Variants in LRRTM4 observed in about 807,000 individuals in gnomAD.
LRRTM4 encodes leucine-rich repeat transmembrane neuronal protein 4.
In LRRTM4, 25 loss-of-function variants were observed where a neutral mutation model predicts 47.6. The ratio of observed to expected loss-of-function variants is 0.53; its 90% confidence interval spans 0.38 to 0.73. The LOEUF is 0.73. Among genes scored for constraint, LRRTM4 ranks in the 30% least tolerant of loss-of-function variants. The pLI, the probability that LRRTM4 is intolerant of heterozygous loss-of-function variation, is 0.00. For synonymous variants in LRRTM4, 311 were observed against 269.5 expected (o/e 1.15, Z -1.51); for missense variants, 638 against 713.4 (o/e 0.89, Z 1.20).
chr2:76,914,432 T>G (rs1022994051), intron 3 of LRRTM4, among the ~76,000 whole-genome samples: 3 of 152,170 alleles, frequency 2.0e-5, no homozygotes, highest in Non-Finnish European at 2.9e-5. Context: ...TGATTTTCAC[T>G]TCCTGATCTG....
chr2:76,763,959 G>A (rs1673358044), intron 3 of LRRTM4, among the ~76,000 whole-genome samples: 1 of 152,146 alleles, frequency 6.6e-6, no homozygotes, highest in Non-Finnish European at 1.5e-5. Flanking sequence ...GATGATAAAG[G>A]TCATTCTGGT....
At chr2:77,056,817 C>A (rs1157751340) in intron 3 of LRRTM4, among the ~76,000 whole-genome samples, 1 of 152,168 alleles carries the variant, frequency 6.6e-6, no homozygotes, top group Non-Finnish European at 1.5e-5. Context: ...TGCTTATTCT[C>A]TAATTTCCCT....
In LRRTM4 at chr2:77,267,700, A is replaced by ATTTT. The variant is rs11389853; in HGVS notation, c.1551+250614_1551+250617dup. On this transcript the variant is annotated intron_variant, in intron 3 of 3. Coordinates refer to ENST00000409884, the MANE Select transcript of LRRTM4 (RefSeq NM_001134745.3). The stretch of plus-strand genomic sequence containing the variant: ...CTATTTCAAACTGTTCTTCCAGAAT[A>ATTTT]TTTTTTTTTGATAATGCTCCTTTCA... Among the ~76,000 whole-genome samples, 18 of 151,246 alleles carry ATTTT rather than the reference A, an allele frequency of 1.2e-4. No homozygotes were observed. The South Asian group carries it at 3.1e-3, about 26-fold the overall frequency.
chr2:77,239,330 T>G (rs1023347864), intron 3 of LRRTM4, among the ~76,000 whole-genome samples: 24 of 151,894 alleles, frequency 1.6e-4, no homozygotes, highest in Admixed American at 1.5e-3. Flanking sequence ...AATGAAATAA[T>G]AGAAATATAC....
At chr2:77,469,300 G>A (rs76775076) in intron 3 of LRRTM4, among the ~76,000 whole-genome samples, 2,578 of 152,262 alleles carry the variant, frequency 0.017, 89 homozygotes, top group East Asian at 0.12. Flanking sequence ...ACACAGAAGC[G>A]TCTTTATTTC....
At chr2:76,927,209 C>G (rs1674615774) in intron 3 of LRRTM4, among the ~76,000 whole-genome samples, 1 of 152,086 alleles carries the variant, frequency 6.6e-6, no homozygotes, top group Admixed American at 6.6e-5. Flanking sequence ...ATAGTACCAT[C>G]TTAGGAGTTA....
chr2:77,332,738 G>A (rs1455187712), intron 3 of LRRTM4, among the ~76,000 whole-genome samples: 4 of 152,102 alleles, frequency 2.6e-5, no homozygotes, highest in Non-Finnish European at 1.5e-5. Context: ...CATGCATAAT[G>A]TAATAGTCAC....
intron 3 of LRRTM4, among the ~76,000 whole-genome samples, chr2:77,458,847 G>A (rs941970546): frequency 1.7e-4 from 25 of 151,362 alleles, no homozygotes; most frequent in Middle Eastern, 3.4e-3. Context: ...ATTCAAAAAT[G>A]AGGCAGAAAT....
At chr2:77,185,627 A>G (rs1673481280) in intron 3 of LRRTM4, among the ~76,000 whole-genome samples, 1 of 152,186 alleles carries the variant, frequency 6.6e-6, no homozygotes. Context: ...AAGTCAAACT[A>G]AAGTATAAAC....
intron 3 of LRRTM4, among the ~76,000 whole-genome samples, chr2:77,032,722 G>T (rs188684752): frequency 5.9e-5 from 9 of 152,156 alleles, no homozygotes; most frequent in Admixed American, 4.6e-4. Context: ...ACTGCATTAG[G>T]ATCTTCTTTA....
intron 3 of LRRTM4, among the ~76,000 whole-genome samples, chr2:76,772,036 C>A (rs559208077): frequency 6.6e-6 from 1 of 152,086 alleles, no homozygotes; most frequent in African/African-American, 2.4e-5. Flanking sequence ...TGTTATGGAC[C>A]GAATGTTGTA....
intron 3 of LRRTM4, among the ~76,000 whole-genome samples, chr2:76,916,070 C>T (rs1674232766): frequency 1.3e-5 from 2 of 151,436 alleles, no homozygotes; most frequent in Admixed American, 1.3e-4. Flanking sequence ...AATGATGAGA[C>T]AGAAGAACAA....
intron 3 of LRRTM4, among the ~76,000 whole-genome samples, chr2:77,160,039 C>A (rs550819937): frequency 6.6e-6 from 1 of 152,288 alleles, no homozygotes; most frequent in African/African-American, 2.4e-5. Context: ...ATTAATCACT[C>A]TGGTGTGGTG....
chr2:77,483,768 A>G (rs1677806621), intron 3 of LRRTM4, among the ~76,000 whole-genome samples: 1 of 152,120 alleles, frequency 6.6e-6, no homozygotes. Context: ...GGGGATTGGT[A>G]TTAAAAAACC....
chr2:77,477,443 A>G (rs937925908), intron 3 of LRRTM4, among the ~76,000 whole-genome samples: 1 of 152,180 alleles, frequency 6.6e-6, no homozygotes, highest in Non-Finnish European at 1.5e-5. Flanking sequence ...ACACAAATAG[A>G]TAAATTATGT....
At chr2:77,102,668 A>G (rs1333287944) in intron 3 of LRRTM4, among the ~76,000 whole-genome samples, 1 of 152,200 alleles carries the variant, frequency 6.6e-6, no homozygotes, top group African/African-American at 2.4e-5. Flanking sequence ...TAAGTGCAGG[A>G]AAAAGACTGA....
At chr2:77,096,723 C>T (rs1437704080) in intron 3 of LRRTM4, among the ~76,000 whole-genome samples, 1 of 151,464 alleles carries the variant, frequency 6.6e-6, no homozygotes, top group Non-Finnish European at 1.5e-5. Flanking sequence ...AAGTACTACA[C>T]ATTGACAACA....
intron 3 of LRRTM4, among the ~76,000 whole-genome samples, chr2:77,466,235 G>A (rs1260764429): frequency 1.3e-5 from 2 of 152,132 alleles, no homozygotes; most frequent in African/African-American, 2.4e-5. Flanking sequence ...ATTGAATGGA[G>A]GTGAAAAGAA....
intron 3 of LRRTM4, among the ~76,000 whole-genome samples, chr2:77,014,828 A>C (rs1678002095): frequency 6.6e-6 from 1 of 152,030 alleles, no homozygotes; most frequent in Non-Finnish European, 1.5e-5. Context: ...AAAAAATTAT[A>C]AATATTACTT....
Sources: gnomAD v4.1 joint callset for allele counts (sites outside exome capture counted in the v4.1 genomes callset) on GRCh38, gnomAD v4.1.1 for gene constraint, MANE v1.5 for transcripts, NCBI Gene and HGNC (gene_info 2026-07-23, HGNC 2026-07-21) for gene names.